ABI3BP: variants seen among roughly 807,000 people sequenced by gnomAD.
ABI3BP encodes the protein ABI family member 3 binding protein.
In ABI3BP, 216 loss-of-function variants were observed where a neutral mutation model predicts 268.6. That is an observed-to-expected ratio of 0.80 (90% CI 0.72 to 0.90). The LOEUF (loss-of-function observed/expected upper bound fraction) is 0.90, where lower values mean the gene tolerates loss of function less well. Among genes scored for constraint, ABI3BP ranks in the 40% least tolerant of loss-of-function variants. The pLI, the probability that ABI3BP is intolerant of heterozygous loss-of-function variation, is 0.00. For synonymous variants in ABI3BP, 730 were observed against 730.0 expected, an observed-to-expected ratio of 1.00 and a Z score of 0.00; for missense variants, 2,090 against 2,182.4, an observed-to-expected ratio of 0.96 and a Z score of 0.84.
At chr3:100,758,987 T>G (rs1214603687) in intron 63 of ABI3BP, among the ~76,000 whole-genome samples, 1 of 152,206 alleles carries the variant, frequency 6.6e-6, no homozygotes, top group East Asian at 1.9e-4. Context: ...TTTTGATCCT[T>G]TCTATAATCT....
chr3:100,824,181 T>C lies in ABI3BP; in HGVS notation c.2747-667A>G, dbSNP rs146305175. On this transcript the variant is annotated intron_variant, in intron 36 of 67. Coordinates refer to ENST00000471714, the MANE Select transcript of ABI3BP (RefSeq NM_001375547.2). ...ATCAGGTCCTCAAAATCCTTCTTCA[T>C]CTGGCTTGATGTACCCTTCCAAATG... Among the ~76,000 whole-genome samples the C allele has an allele frequency of 4.8e-3, 726 of 152,302 alleles. 2 individuals are homozygous for C. The highest frequency in any genetic ancestry group is 0.017 in the African/African-American group (686 of 41,572).
intron 6 of ABI3BP, among the ~76,000 whole-genome samples, chr3:100,881,153 T>C (rs1007094442): frequency 2.6e-5 from 4 of 152,352 alleles, no homozygotes; most frequent in African/African-American, 7.2e-5. Context: ...TAACCTTTGA[T>C]GATGTATTAA....
intron 4 of ABI3BP, 150 bp downstream of exon 4, chr3:100,898,612 T>G: frequency 1.2e-6 from 1 of 833,520 alleles, no homozygotes. Flanking sequence ...GTAGATAACC[T>G]TCTCAAGGGC....
chr3:100,918,346 G>A lies in ABI3BP; in HGVS notation c.259+7956C>T, dbSNP rs79271560. Reference sequence around the variant, plus strand: ...TGTCCACCCGTCCACCCATCCACCCGTCCACTCATCTATTCCTTTATTGTG... The same window carrying A: ...TGTCCACCCGTCCACCCATCCACCCATCCACTCATCTATTCCTTTATTGTG... On this transcript the variant is annotated intron_variant, in intron 2 of 67. Coordinates refer to ENST00000471714, the MANE Select transcript of ABI3BP (RefSeq NM_001375547.2). Among the ~76,000 whole-genome samples the A allele has an allele frequency of 4.4e-4, 66 of 148,494 alleles. No individual in the cohort carries two copies. In the East Asian group the frequency reaches 6.0e-3, roughly 13 times the overall value.
At chr3:100,947,516 T>A (rs2713762) in intron 1 of ABI3BP, among the ~76,000 whole-genome samples, 91,742 of 152,020 alleles carry the variant, frequency 0.6, 28,311 homozygotes, top group East Asian at 0.91. Context: ...GGAGCTACAA[T>A]GAATTTCCTC....
chr3:100,955,610 C>G (rs1218078397), intron 1 of ABI3BP, among the ~76,000 whole-genome samples: 2 of 152,088 alleles, frequency 1.3e-5, no homozygotes, highest in Non-Finnish European at 2.9e-5. Context: ...TAGAATTCTA[C>G]CATACAACAA....
At position 100,862,332 on chromosome 3, in the gene ABI3BP, T is replaced by C. The variant is rs1486875788; in HGVS notation, c.1264A>G (p.Lys422Glu). ...VPTAKISEDS[K>E]VLQPQTATYD... The stretch of plus-strand genomic sequence containing the variant: ...TTACCAGTTTGAGGCTGCAGAACTT[T>C]GGAATCTTCAGATATTTTAGCTGTA... Residue 422 changes from lysine (K) to glutamate (E), a missense_variant, in exon 14 of 68, where the codon AAA becomes GAA. Lys to Glu is a moderately conservative substitution (Grantham distance 56). Coordinates refer to ENST00000471714, the MANE Select transcript of ABI3BP (RefSeq NM_001375547.2). The C allele has an allele frequency of 3.7e-6, 6 of 1,603,922 alleles. No homozygotes were observed. Among genetic ancestry groups the C allele is most frequent in the South Asian group, 1.1e-5 (1 of 88,018 alleles).
intron 51 of ABI3BP, among the ~76,000 whole-genome samples, chr3:100,798,828 T>C (rs2097434664): frequency 6.6e-6 from 1 of 152,210 alleles, no homozygotes; most frequent in Non-Finnish European, 1.5e-5. Context: ...ACTGATTCTC[T>C]TAAAAAAGTA....
At chr3:100,912,187 G>A (rs73143029) in intron 2 of ABI3BP, 68,139 of 258,726 alleles carry the variant, frequency 0.26, 10,940 homozygotes, top group Middle Eastern at 0.34. Flanking sequence ...TGCTGCCGTC[G>A]GCTCAGGCTT....
At chr3:100,899,738 TAGAA>T (rs2049329036) in intron 3 of ABI3BP, among the ~76,000 whole-genome samples, 1 of 152,210 alleles carries the variant, frequency 6.6e-6, no homozygotes, top group Non-Finnish European at 1.5e-5. Flanking sequence ...AAAAATCCGA[TAGAA>T]AGCCTAATAA....
At chr3:100,799,644 C>T (rs908907941) in intron 51 of ABI3BP, among the ~76,000 whole-genome samples, 1 of 152,132 alleles carries the variant, frequency 6.6e-6, no homozygotes, top group Non-Finnish European at 1.5e-5. Context: ...TTTCCTGCCT[C>T]ATCTCCCAAC....
rs4928101 is a variant in ABI3BP at position 100,945,705 on chromosome 3, T to C, written c.80-19224A>G. 3.3e-4 allele frequency: 144 copies of C among 430,462 alleles called. 1 individual carries two copies. The Admixed American group carries it at 3.8e-3, about 11-fold the overall frequency. 26.7% of individuals were successfully genotyped at this position (430,462 alleles called of 1,614,324 possible). ...AATAGAATTTTATGAATATATTACATTTTATTTATTCAATCCAAATATTCA... is the reference window on the plus strand; with the variant it reads ...AATAGAATTTTATGAATATATTACACTTTATTTATTCAATCCAAATATTCA... On this transcript the variant is annotated intron_variant, in intron 1 of 67. Coordinates refer to ENST00000471714, the MANE Select transcript of ABI3BP (RefSeq NM_001375547.2).
At chr3:100,834,261 A>C (rs2152839058) in intron 29 of ABI3BP, among the ~76,000 whole-genome samples, 1 of 152,258 alleles carries the variant, frequency 6.6e-6, no homozygotes, top group African/African-American at 2.4e-5. Context: ...AAATTTAATA[A>C]ATATTTGCTT....
At chr3:100,936,146 G>A (rs1169566916) in intron 1 of ABI3BP, among the ~76,000 whole-genome samples, 2 of 152,072 alleles carry the variant, frequency 1.3e-5, no homozygotes, top group East Asian at 3.9e-4. Flanking sequence ...TTTGAGATAT[G>A]TTCCATCAAT....
intron 51 of ABI3BP, among the ~76,000 whole-genome samples, chr3:100,800,166 T>C (rs2097486070): frequency 6.6e-6 from 1 of 152,170 alleles, no homozygotes. Context: ...CTCAGACTTA[T>C]CTTTCTAGAT....
intron 1 of ABI3BP, among the ~76,000 whole-genome samples, chr3:100,976,945 T>A (rs2595901): frequency 1 from 152,348 of 152,382 alleles, 76,157 homozygotes; most frequent in Middle Eastern, 1. Context: ...TGAAGGCCTC[T>A]GGAGATGTGG....
intron 64 of ABI3BP, 24 bp from the exon 65 acceptor site, chr3:100,753,872 T>G: frequency 6.2e-7 from 1 of 1,601,830 alleles, no homozygotes; most frequent in Non-Finnish European, 8.5e-7. Flanking sequence ...AATAGAAAAG[T>G]CAGACCTTAC....
chr3:100,905,080 C>T (rs113370350), intron 2 of ABI3BP, among the ~76,000 whole-genome samples: 1,697 of 152,216 alleles, frequency 0.011, 29 homozygotes, highest in African/African-American at 0.038. Context: ...ACTATGCAGC[C>T]ATAAAAAATG....
intron 7 of ABI3BP, 111 bp from the exon 8 acceptor site, chr3:100,875,690 A>G: frequency 1.3e-6 from 1 of 749,602 alleles, no homozygotes; most frequent in South Asian, 1.6e-5. Flanking sequence ...TTTATTAATT[A>G]ATACAAAGCA....
Sources: allele counts gnomAD v4.1 joint callset (sites outside exome capture counted in the v4.1 genomes callset), GRCh38; gene constraint gnomAD v4.1.1; transcripts MANE v1.5; gene names NCBI Gene and HGNC (gene_info 2026-07-23, HGNC 2026-07-21).